The following SLC25A17 variants were observed in gnomAD, a reference collection of about 807,000 sequenced individuals.
SLC25A17 encodes the protein peroxisomal membrane protein PMP34.
A neutral mutation model predicts 38.5 loss-of-function variants in SLC25A17; 26 were observed. The observed-to-expected ratio is 0.68, with a 90% CI of 0.50 to 0.94. The LOEUF is 0.94. Ranked by LOEUF, SLC25A17 falls within the 40% of genes least tolerant of loss-of-function variation. SLC25A17 has a pLI of 0.00. For missense variants in SLC25A17, 333 were observed against 372.7 expected (o/e 0.89, Z 0.88); for synonymous variants, 139 against 136.2 (o/e 1.02, Z -0.14).
At chr22:40,778,082 A>G (rs952712518) in intron 5 of SLC25A17, among the ~76,000 whole-genome samples, 1 of 152,196 alleles carries the variant, frequency 6.6e-6, no homozygotes, top group Non-Finnish European at 1.5e-5. Flanking sequence ...AAAAACCACT[A>G]TTTCACTACA....
At chr22:40,780,955 A>G (rs1200694693) in intron 4 of SLC25A17, among the ~76,000 whole-genome samples, 5 of 152,000 alleles carry the variant, frequency 3.3e-5, no homozygotes, top group Admixed American at 6.6e-5. Flanking sequence ...GGATCACTTG[A>G]GCCTAGGAGT....
chr22:40,818,507 G>A (rs2057663717), intron 1 of SLC25A17, among the ~76,000 whole-genome samples: 1 of 151,924 alleles, frequency 6.6e-6, no homozygotes. Context: ...CCAGGAATTC[G>A]AGACCAGCCT....
chr22:40,782,588 T>A (rs1260451114), intron 4 of SLC25A17, among the ~76,000 whole-genome samples: 2 of 152,180 alleles, frequency 1.3e-5, no homozygotes, highest in East Asian at 3.8e-4. Flanking sequence ...GTAGGCTAAT[T>A]GGGTATGCAC....
chr22:40,811,862 T>G (rs933424298), intron 1 of SLC25A17, among the ~76,000 whole-genome samples: 2 of 150,866 alleles, frequency 1.3e-5, no homozygotes, highest in Non-Finnish European at 1.5e-5. Flanking sequence ...CATTTCAACA[T>G]GAGATTTGGA....
chr22:40,797,135 G>C, intron 2 of SLC25A17: 1 of 412,168 alleles, frequency 2.4e-6, no homozygotes, highest in Non-Finnish European at 4.9e-6. Context: ...GGCAGACTAA[G>C]AGTGAGCATT....
At chr22:40,805,713 G>A (rs754315661) in intron 1 of SLC25A17, among the ~76,000 whole-genome samples, 16 of 152,040 alleles carry the variant, frequency 1.1e-4, no homozygotes, top group Non-Finnish European at 1.5e-4. Context: ...GCTGGACACG[G>A]CTGCAGGCCT....
At chr22:40,816,833 A>T (rs1184020094) in intron 1 of SLC25A17, among the ~76,000 whole-genome samples, 1 of 150,834 alleles carries the variant, frequency 6.6e-6, no homozygotes, top group Non-Finnish European at 1.5e-5. Context: ...CTGGCCTCGA[A>T]CTCCTGACCT....
Position 40,819,331 on chromosome 22 carries a change from A to G in SLC25A17, c.-83T>C. On this transcript the variant is annotated 5_prime_UTR_variant, in exon 1 of 9. Coordinates refer to ENST00000435456, the MANE Select transcript of SLC25A17 (RefSeq NM_006358.4). ...AGTTAGGAAAGGAGCACCGGAGCTC[A>G]GGGTGTGAGAGTCGCAATCCCCGCC... The G allele has an allele frequency of 7.8e-7, 1 of 1,286,202 alleles. No homozygotes were observed. The highest frequency in any genetic ancestry group is 1.0e-6 in the Non-Finnish European group (1 of 954,258). 79.7% of individuals were successfully genotyped at this position (1,286,202 alleles called of 1,614,324 possible).
intron 4 of SLC25A17, among the ~76,000 whole-genome samples, chr22:40,780,571 A>G (rs2057285041): frequency 6.6e-6 from 1 of 152,224 alleles, no homozygotes; most frequent in South Asian, 2.1e-4. Context: ...TATTCAATGC[A>G]ATGCACACTT....
In SLC25A17 at chr22:40,770,803, G is replaced by C; in HGVS notation, c.*31C>G. ...ACTCAGGAGGAAACCTCCCTCTTGA[G>C]CATCTTCGGAATTTTTCATGGGAAG... On this transcript the variant is annotated 3_prime_UTR_variant, in exon 9 of 9. Transcript: ENST00000435456. 6.3e-7 allele frequency: 1 copy of C among 1,578,952 alleles called. No individual in the cohort carries two copies. Among genetic ancestry groups the C allele is most frequent in the South Asian group, 1.1e-5 (1 of 87,806 alleles).
intron 7 of SLC25A17, among the ~76,000 whole-genome samples, chr22:40,774,272 G>A (rs1222337178): frequency 1.4e-5 from 2 of 147,624 alleles, no homozygotes; most frequent in Non-Finnish European, 3.0e-5. Context: ...CACCCAGGCT[G>A]GAGTGCAATG....
At chr22:40,784,784 C>CAAAAAAAAAAAA (rs71200616) in intron 4 of SLC25A17, among the ~76,000 whole-genome samples, 26 of 96,282 alleles carry the variant, frequency 2.7e-4, no homozygotes, top group Admixed American at 4.0e-4. Context: ...TCAACAACAA[C>CAAAAAAAAAAAA]AAAAAAAAAA....
intron 7 of SLC25A17, among the ~76,000 whole-genome samples, chr22:40,774,929 C>T (rs986285942): frequency 2.0e-5 from 3 of 152,036 alleles, no homozygotes; most frequent in Non-Finnish European, 2.9e-5. Flanking sequence ...TGAATCTGTC[C>T]TCATCCTACC....
chr22:40,793,791 T>C (rs1299981532), intron 3 of SLC25A17, among the ~76,000 whole-genome samples: 2 of 152,138 alleles, frequency 1.3e-5, no homozygotes, highest in Non-Finnish European at 1.5e-5. Flanking sequence ...TTTGTATTTT[T>C]AGTAAAGACG....
chr22:40,815,066 G>A (rs920620178), intron 1 of SLC25A17, among the ~76,000 whole-genome samples: 7 of 152,056 alleles, frequency 4.6e-5, no homozygotes, highest in South Asian at 2.1e-4. Flanking sequence ...TGATCTGCCC[G>A]CCTCAGCCTC....
intron 8 of SLC25A17, 38 bp from the exon 9 acceptor site, chr22:40,771,019 C>T: frequency 6.6e-7 from 1 of 1,504,244 alleles, no homozygotes; most frequent in South Asian, 1.3e-5. Flanking sequence ...GAAGTCAGCT[C>T]CTGCATCAGA....
chr22:40,790,199 G>T (rs2057373146), intron 4 of SLC25A17, among the ~76,000 whole-genome samples: 1 of 151,620 alleles, frequency 6.6e-6, no homozygotes, highest in South Asian at 2.1e-4. Flanking sequence ...AAATTAGCTG[G>T]GCATGGTGGT....
At chr22:40,784,605 C>A in intron 4 of SLC25A17, 1 of 233,656 alleles carries the variant, frequency 4.3e-6, no homozygotes, top group Non-Finnish European at 9.2e-6. Flanking sequence ...AGACCCCCAT[C>A]TGTACAAAAA....
At chr22:40,783,513 T>C (rs1348092173) in intron 4 of SLC25A17, among the ~76,000 whole-genome samples, 1 of 152,206 alleles carries the variant, frequency 6.6e-6, no homozygotes, top group Non-Finnish European at 1.5e-5. Context: ...TTTTGTTTTT[T>C]TGAGACATGG....
Sources: allele counts gnomAD v4.1 joint callset (sites outside exome capture counted in the v4.1 genomes callset), GRCh38; gene constraint gnomAD v4.1.1; transcripts MANE v1.5; gene names NCBI Gene and HGNC (gene_info 2026-07-23, HGNC 2026-07-21).